Variants in FARP2 observed in about 807,000 individuals in gnomAD.
FARP2 encodes the protein FERM, ARHGEF and pleckstrin domain-containing protein 2.
In FARP2, 111 loss-of-function variants were observed where a neutral mutation model predicts 130.5. The observed-to-expected ratio is 0.85, with a 90% CI of 0.73 to 1.00. The LOEUF is 1.00. FARP2 is among the 50% of genes least tolerant of loss of function. The probability of loss-of-function intolerance (pLI) is 0.00; values close to 1 mark genes in which losing one functional copy is unlikely to be tolerated. For missense variants in FARP2, 1,385 were observed against 1,346.3 expected (o/e 1.03, Z -0.45); for synonymous variants, 504 against 516.9 (o/e 0.98, Z 0.34).
chr2:241,481,285 C>T (rs958379540), intron 19 of FARP2, among the ~76,000 whole-genome samples: 7 of 152,150 alleles, frequency 4.6e-5, no homozygotes, highest in African/African-American at 1.7e-4. Context: ...GATTCTATCC[C>T]ATGGTCTATA....
intron 14 of FARP2, among the ~76,000 whole-genome samples, chr2:241,461,685 C>G (rs1451747702): frequency 6.6e-6 from 1 of 152,246 alleles, no homozygotes; most frequent in Non-Finnish European, 1.5e-5. Context: ...GAGCTGACAC[C>G]TGCTCCATGG....
At chr2:241,462,437 G>A (rs1367735157) in intron 14 of FARP2, 86 bp from the exon 15 acceptor site, 1 of 887,130 alleles carries the variant, frequency 1.1e-6, no homozygotes. Flanking sequence ...GCAGAAGAAA[G>A]CAAACATTAC....
In FARP2 at chr2:241,492,993, T is replaced by C. The variant is rs539553205; in HGVS notation, c.2852T>C (p.Val951Ala). Reference sequence around the variant, plus strand: ...AGTCATGGCTGGCAGAAGCTCTGGGTCGTCTTTACCAACTTCTGTTTGTTC... The same window carrying C: ...AGTCATGGCTGGCAGAAGCTCTGGGCCGTCTTTACCAACTTCTGTTTGTTC... ...KNSHGWQKLW[V>A]VFTNFCLFFY... Residue 951 changes from valine (V) to alanine (A), a missense_variant, in exon 25 of 27, where the codon GTC becomes GCC. Coordinates refer to ENST00000264042, the MANE Select transcript of FARP2 (RefSeq NM_014808.4). 17 of 1,612,262 alleles carry C rather than the reference T, an allele frequency of 1.1e-5. No individual in the cohort carries two copies. In the South Asian group the frequency reaches 1.8e-4, roughly 17 times the overall value.
At chr2:241,424,456 A>G (rs191469904) in intron 8 of FARP2, among the ~76,000 whole-genome samples, 5 of 152,350 alleles carry the variant, frequency 3.3e-5, no homozygotes, top group Non-Finnish European at 5.9e-5. Flanking sequence ...ATGCAGCTAA[A>G]GCATTGTTAA....
At chr2:241,435,749 G>A (rs1000831238) in intron 11 of FARP2, among the ~76,000 whole-genome samples, 4 of 149,888 alleles carry the variant, frequency 2.7e-5, no homozygotes, top group Non-Finnish European at 5.9e-5. Context: ...CTGACCTCAT[G>A]ATCCACCCGC....
At chr2:241,453,677 G>A (rs181136386) in intron 13 of FARP2, among the ~76,000 whole-genome samples, 1 of 150,836 alleles carries the variant, frequency 6.6e-6, no homozygotes, top group African/African-American at 2.4e-5. Flanking sequence ...ACCTCCGTAG[G>A]ACCAAAAATG....
At position 241,376,886 on chromosome 2, in the gene FARP2, A is replaced by G. The variant is rs998314384; in HGVS notation, c.183+3596A>G. Among the ~76,000 whole-genome samples, 10 of 152,178 alleles carry G rather than the reference A, an allele frequency of 6.6e-5. No individual in the cohort carries two copies. In the South Asian group the frequency reaches 1.2e-3, roughly 19 times the overall value. On this transcript the variant is annotated intron_variant, in intron 2 of 26. Coordinates refer to ENST00000264042, the MANE Select transcript of FARP2 (RefSeq NM_014808.4). ...GCTGTCTCCCTGCTCCTGAAATGCA[A>G]GTTCTGGGAAGGAAAGGCTGTATTG...
chr2:241,399,000 A>C (rs2062096561), intron 2 of FARP2, among the ~76,000 whole-genome samples: 1 of 152,176 alleles, frequency 6.6e-6, no homozygotes, highest in South Asian at 2.1e-4. Flanking sequence ...TTTTCCAAAG[A>C]GATAATACAA....
intron 11 of FARP2, among the ~76,000 whole-genome samples, chr2:241,435,534 C>T (rs1341688009): frequency 1.5e-5 from 2 of 133,702 alleles, no homozygotes; most frequent in South Asian, 2.3e-4. Context: ...TTTTTTGAGA[C>T]GGAGTCTCGC....
chr2:241,391,154 G>T (rs995114689), intron 2 of FARP2, among the ~76,000 whole-genome samples: 3 of 152,202 alleles, frequency 2.0e-5, no homozygotes, highest in African/African-American at 7.2e-5. Context: ...TTGCTTAAGA[G>T]CTTGCTTTGA....
At chr2:241,408,290 T>G (rs1181911909) in intron 5 of FARP2, among the ~76,000 whole-genome samples, 1 of 151,958 alleles carries the variant, frequency 6.6e-6, no homozygotes, top group African/African-American at 2.4e-5. Context: ...GAGAGTGGCA[T>G]GAACCCGAGA....
intron 7 of FARP2, among the ~76,000 whole-genome samples, chr2:241,417,387 T>C (rs1574781719): frequency 6.6e-6 from 1 of 152,184 alleles, no homozygotes. Context: ...ATTTTATTAT[T>C]AGTATTATTA....
At chr2:241,421,779 G>A (rs1052902940) in intron 8 of FARP2, among the ~76,000 whole-genome samples, 1 of 152,140 alleles carries the variant, frequency 6.6e-6, no homozygotes, top group Non-Finnish European at 1.5e-5. Context: ...GGCTTTGCTG[G>A]TGATACCTCC....
intron 2 of FARP2, among the ~76,000 whole-genome samples, chr2:241,396,234 G>C (rs1377403509): frequency 1.3e-5 from 2 of 152,204 alleles, no homozygotes; most frequent in South Asian, 4.1e-4. Context: ...AAAAACCCTA[G>C]AAGAAAACCT....
intron 21 of FARP2, among the ~76,000 whole-genome samples, chr2:241,487,780 C>T (rs1377101748): frequency 1.3e-5 from 1 of 74,970 alleles, no homozygotes; most frequent in Admixed American, 2.1e-4. Flanking sequence ...GATGGAATCG[C>T]TCTGTCGCCC....
In FARP2 at chr2:241,420,337, AAG is replaced by A. The variant is rs199970863; in HGVS notation, c.771+2234_771+2235del. On this transcript the variant is annotated intron_variant, in intron 8 of 26. Coordinates refer to ENST00000264042, the MANE Select transcript of FARP2 (RefSeq NM_014808.4). The stretch of plus-strand genomic sequence containing the variant: ...TATAGTAGCTACTGCTTGTGGGGAA[AAG>A]AGAGAAAATTATATGTGCACTATAT... Among the ~76,000 whole-genome samples, 10 of 152,244 alleles carry A rather than the reference AAG, an allele frequency of 6.6e-5. No homozygotes were observed. The East Asian group carries it at 1.2e-3, about 18-fold the overall frequency.
At chr2:241,453,837 G>T (rs2063760612) in intron 13 of FARP2, among the ~76,000 whole-genome samples, 1 of 131,700 alleles carries the variant, frequency 7.6e-6, no homozygotes, top group African/African-American at 2.9e-5. Context: ...AGGCTGGAGT[G>T]CAGTGGTGCA....
At chr2:241,376,081 A>C (rs556917460) in intron 2 of FARP2, among the ~76,000 whole-genome samples, 136 of 152,288 alleles carry the variant, frequency 8.9e-4, no homozygotes, top group African/African-American at 3.2e-3. Flanking sequence ...GTTGGTTTGG[A>C]GGCTCTACTA....
intron 17 of FARP2, among the ~76,000 whole-genome samples, chr2:241,464,252 CAAAACAAGGTTTCCTGAGAACAGGGT>C (rs1190440693): frequency 6.7e-6 from 1 of 150,026 alleles, no homozygotes; most frequent in African/African-American, 2.5e-5. Flanking sequence ...AGGGTCTCCT[CAAAACAAGGTTTCCTGAGAACAGGGT>C]TCCCCTCAGA....
Sources: allele counts gnomAD v4.1 joint callset (sites outside exome capture counted in the v4.1 genomes callset), GRCh38; gene constraint gnomAD v4.1.1; transcripts MANE v1.5; gene names NCBI Gene and HGNC (gene_info 2026-07-23, HGNC 2026-07-21).